Variants in ARL6IP5 observed in about 807,000 individuals in gnomAD.
ARL6IP5 encodes PRA1 family protein 3.
Under a neutral mutation model 13.0 loss-of-function variants are expected in ARL6IP5, and 6 were observed. The ratio of observed to expected loss-of-function variants is 0.46; its 90% CI spans 0.25 to 0.91. The LOEUF is 0.91. Ranked by LOEUF, ARL6IP5 falls within the 40% of genes least tolerant of loss-of-function variation. The probability of loss-of-function intolerance (pLI) is 0.17; values close to 1 mark genes in which losing one functional copy is unlikely to be tolerated. For synonymous variants in ARL6IP5, 91 were observed against 91.9 expected (o/e 0.99, Z 0.06); for missense variants, 208 against 248.8 (o/e 0.84, Z 1.10).
chr3:69,101,817 T>C (rs2092306185), intron 1 of ARL6IP5, 22 bp from the exon 2 acceptor site: 1 of 1,598,678 alleles, frequency 6.3e-7, no homozygotes, highest in Non-Finnish European at 8.6e-7. Context: ...TCACCCCTCA[T>C]TTTTTCTTCC....
intron 1 of ARL6IP5, among the ~76,000 whole-genome samples, chr3:69,097,923 C>T (rs1372275286): frequency 1.3e-5 from 2 of 152,090 alleles, no homozygotes; most frequent in Non-Finnish European, 2.9e-5. Context: ...ATGTTGTTGG[C>T]GAGATGGGAC....
intron 2 of ARL6IP5, 53 bp downstream of exon 2, chr3:69,102,109 A>T: frequency 6.4e-7 from 1 of 1,563,892 alleles, no homozygotes; most frequent in African/African-American, 1.4e-5. Context: ...AGAAGCAATT[A>T]TCCAACGGGA....
intron 2 of ARL6IP5, among the ~76,000 whole-genome samples, chr3:69,102,957 C>T (rs1248165993): frequency 1.3e-5 from 2 of 152,224 alleles, no homozygotes; most frequent in African/African-American, 4.8e-5. Flanking sequence ...CCAGCCTAAT[C>T]AGCAGAAATC....
At chr3:69,098,196 C>T (rs1411575182) in intron 1 of ARL6IP5, among the ~76,000 whole-genome samples, 1 of 149,964 alleles carries the variant, frequency 6.7e-6, no homozygotes, top group Non-Finnish European at 1.5e-5. Flanking sequence ...CCTGCCTCAG[C>T]CTACCAAGTA....
intron 1 of ARL6IP5, among the ~76,000 whole-genome samples, chr3:69,090,774 C>A (rs2092262781): frequency 6.6e-6 from 1 of 152,200 alleles, no homozygotes; most frequent in Non-Finnish European, 1.5e-5. Context: ...TCCCAGAATT[C>A]TCCTGCCCTT....
chr3:69,085,438 G>A (rs2092244620), intron 1 of ARL6IP5, among the ~76,000 whole-genome samples: 1 of 152,210 alleles, frequency 6.6e-6, no homozygotes, highest in Admixed American at 6.5e-5. Context: ...GACTTGAGGG[G>A]GGCCCTAGGG....
chr3:69,102,312 T>C, intron 2 of ARL6IP5: 3 of 501,590 alleles, frequency 6.0e-6, no homozygotes, highest in Non-Finnish European at 1.1e-5. Context: ...TCATACATTC[T>C]TTTGTTGTTG....
In ARL6IP5 at chr3:69,105,196, A is replaced by G. The variant is rs543359534; in HGVS notation, c.*560A>G. The G allele has an allele frequency of 1.1e-5, 3 of 268,372 alleles. No individual in the cohort carries two copies. The South Asian group carries it at 2.0e-4, about 18-fold the overall frequency. 16.6% of individuals were successfully genotyped at this position (268,372 alleles called of 1,614,324 possible). A position where few individuals can be genotyped will look rare whatever the true frequency, so the allele number is the denominator to read the frequency against. On this transcript the variant is annotated 3_prime_UTR_variant, in exon 3 of 3. Transcript: ENST00000273258. Reference sequence around the variant, plus strand: ...TAAGCCAGTTGTTCATACTTCCTTTACAAATATAAAGATAGCTGTTTAGGA... The same window carrying G: ...TAAGCCAGTTGTTCATACTTCCTTTGCAAATATAAAGATAGCTGTTTAGGA...
chr3:69,099,751 G>A (rs907475099), intron 1 of ARL6IP5, among the ~76,000 whole-genome samples: 1 of 152,122 alleles, frequency 6.6e-6, no homozygotes, highest in African/African-American at 2.4e-5. Context: ...TTCAGGGCAT[G>A]AGGAGAACAC....
chr3:69,097,454 G>C (rs974579212), intron 1 of ARL6IP5, among the ~76,000 whole-genome samples: 1 of 151,756 alleles, frequency 6.6e-6, no homozygotes, highest in South Asian at 2.1e-4. Context: ...TGGGATTACA[G>C]ACATGAGCTA....
chr3:69,099,583 A>C (rs1194611993), intron 1 of ARL6IP5, among the ~76,000 whole-genome samples: 1 of 152,234 alleles, frequency 6.6e-6, no homozygotes, highest in African/African-American at 2.4e-5. Flanking sequence ...CTAAAATTTA[A>C]AGGGATTTTT....
intron 1 of ARL6IP5, among the ~76,000 whole-genome samples, chr3:69,095,787 AC>A (rs2092285134): frequency 1.3e-5 from 2 of 152,080 alleles, no homozygotes; most frequent in African/African-American, 4.8e-5. Flanking sequence ...GATCCACCGC[AC>A]CCAGCCCTCT....
At chr3:69,103,215 T>C (rs1011698644) in intron 2 of ARL6IP5, among the ~76,000 whole-genome samples, 33 of 152,370 alleles carry the variant, frequency 2.2e-4, no homozygotes, top group African/African-American at 7.2e-4. Flanking sequence ...TCAATGATAC[T>C]GTTTAATCAA....
intron 2 of ARL6IP5, 45 bp from the exon 3 acceptor site, chr3:69,104,419 A>G (rs1193890905): frequency 1.3e-6 from 2 of 1,565,870 alleles, no homozygotes; most frequent in South Asian, 2.3e-5. Flanking sequence ...ATATGGCAAA[A>G]GAGAATTGTT....
At chr3:69,096,390 T>C (rs1224480039) in intron 1 of ARL6IP5, among the ~76,000 whole-genome samples, 1 of 152,122 alleles carries the variant, frequency 6.6e-6, no homozygotes, top group Non-Finnish European at 1.5e-5. Context: ...TAGAGGAAAA[T>C]AAAAACAGCT....
intron 1 of ARL6IP5, among the ~76,000 whole-genome samples, chr3:69,101,426 G>A (rs7621852): frequency 0.022 from 3,301 of 150,002 alleles, 106 homozygotes; most frequent in African/African-American, 0.07. Flanking sequence ...AGGTTCAAGT[G>A]ATCCTCCCAC....
intron 1 of ARL6IP5, among the ~76,000 whole-genome samples, chr3:69,097,305 G>A (rs1171417082): frequency 6.6e-6 from 1 of 151,088 alleles, no homozygotes; most frequent in East Asian, 1.9e-4. Context: ...GACTATAGGT[G>A]TGTGCTGCCA....
At position 69,105,181 on chromosome 3, in the gene ARL6IP5, G is replaced by T; in HGVS notation, c.*545G>T. The T allele has an allele frequency of 3.2e-6, 1 of 310,628 alleles. No homozygotes were observed. The highest frequency in any genetic ancestry group is 2.2e-5 in the African/African-American group (1 of 46,202). The allele number at this position is 310,628 out of a possible 1,614,324, so 19.2% of individuals were successfully genotyped here. ...GCAGTGGAAACTGGTTAAGCCAGTT[G>T]TTCATACTTCCTTTACAAATATAAA... On this transcript the variant is annotated 3_prime_UTR_variant, in exon 3 of 3. Transcript: ENST00000273258.
intron 1 of ARL6IP5, among the ~76,000 whole-genome samples, chr3:69,086,471 A>G (rs761159872): frequency 2.6e-5 from 4 of 152,360 alleles, no homozygotes; most frequent in African/African-American, 7.2e-5. Context: ...GGAAGCCCAC[A>G]TGTGGGACTC....
Sources: allele counts gnomAD v4.1 joint callset (sites outside exome capture counted in the v4.1 genomes callset), GRCh38; gene constraint gnomAD v4.1.1; transcripts MANE v1.5; gene names NCBI Gene and HGNC (gene_info 2026-07-23, HGNC 2026-07-21).